ZCCHC10: variants seen among roughly 807,000 people sequenced by gnomAD.
The protein encoded by ZCCHC10 is zinc finger CCHC-type containing 10.
ZCCHC10 carries 16 observed loss-of-function variants against 19.5 expected under a neutral mutation model. The ratio of observed to expected loss-of-function variants is 0.82; its 90% CI spans 0.56 to 1.25. The LOEUF (loss-of-function observed/expected upper bound fraction) is 1.25. Among genes scored for constraint, ZCCHC10 ranks in the 50% most tolerant of loss-of-function variants. The pLI is 0.00. For missense variants in ZCCHC10, 197 were observed against 201.0 expected (o/e 0.98, Z 0.12); for synonymous variants, 67 against 72.5 (o/e 0.92, Z 0.38).
chr5:133,016,384 A>G (rs144574583), intron 2 of ZCCHC10, among the ~76,000 whole-genome samples: 2 of 152,338 alleles, frequency 1.3e-5, no homozygotes, highest in East Asian at 3.9e-4. Flanking sequence ...ACAGATTTTT[A>G]AAATTTTTCT....
chr5:133,014,977 T>A (rs1171991665), intron 2 of ZCCHC10, among the ~76,000 whole-genome samples: 2 of 152,172 alleles, frequency 1.3e-5, no homozygotes, highest in African/African-American at 4.8e-5. Flanking sequence ...TCTCATTGTA[T>A]CCTATCAGGT....
rs574883564 is a variant in ZCCHC10, at chr5:133,007,228, C to G, written c.108-308G>C. Among the ~76,000 whole-genome samples, 26 of 152,046 alleles carry G rather than the reference C, an allele frequency of 1.7e-4. 1 individual carries two copies. The highest frequency in any genetic ancestry group is 3.5e-4 in the Non-Finnish European group (24 of 68,010). On this transcript the variant is annotated intron_variant, in intron 2 of 4. Transcript: ENST00000509437. The stretch of plus-strand genomic sequence containing the variant: ...TTCTTGTGATAGTGAATAAATCTCA[C>G]AAGATCTGATGGTTTTAAAAATAGG...
chr5:133,016,994 A>C (rs1321693487), intron 2 of ZCCHC10, among the ~76,000 whole-genome samples: 10 of 151,836 alleles, frequency 6.6e-5, no homozygotes. Context: ...ACCAAATTAT[A>C]CCTACTCACA....
In ZCCHC10 at chr5:133,006,044, G is replaced by A. The variant is rs149237923; in HGVS notation, c.269+715C>T. Among the ~76,000 whole-genome samples the A allele has an allele frequency of 1.3e-3, 189 of 140,210 alleles. 1 individual carries two copies. The East Asian group carries it at 0.03, about 22-fold the overall frequency. The allele number at this position is 140,210 out of a possible 152,430, so 92.0% of individuals were successfully genotyped here. On this transcript the variant is annotated intron_variant, in intron 3 of 4. Coordinates refer to ENST00000509437, the MANE Select transcript of ZCCHC10 (RefSeq NM_001300816.3). ...CTGTTGCCCAGTCGGGAATGCAGTGGCACAATCTCAGCTCACCAAAACTTC... is the reference window on the plus strand; with the variant it reads ...CTGTTGCCCAGTCGGGAATGCAGTGACACAATCTCAGCTCACCAAAACTTC...
At chr5:133,021,419 A>G (rs1764303767) in intron 2 of ZCCHC10, among the ~76,000 whole-genome samples, 1 of 152,182 alleles carries the variant, frequency 6.6e-6, no homozygotes, top group African/African-American at 2.4e-5. Flanking sequence ...ACTACAAAAC[A>G]CTGCTAAGAG....
At chr5:133,009,189 G>C (rs953631972) in intron 2 of ZCCHC10, among the ~76,000 whole-genome samples, 1 of 151,928 alleles carries the variant, frequency 6.6e-6, no homozygotes, top group Admixed American at 6.6e-5. Flanking sequence ...TTTTTGTAGA[G>C]GTGGGGTTTT....
chr5:133,004,725 C>T (rs1258938209), intron 3 of ZCCHC10, among the ~76,000 whole-genome samples: 3 of 139,448 alleles, frequency 2.2e-5, no homozygotes, highest in African/African-American at 8.0e-5. Flanking sequence ...CTCCTGACCT[C>T]GTGATCTGCC....
intron 2 of ZCCHC10, among the ~76,000 whole-genome samples, chr5:133,010,886 G>A (rs1763456903): frequency 1.3e-5 from 2 of 151,832 alleles, no homozygotes; most frequent in Non-Finnish European, 2.9e-5. Flanking sequence ...CCACCTCCCG[G>A]ATTCAAGCGA....
chr5:133,022,514 C>T (rs760945380), intron 2 of ZCCHC10, among the ~76,000 whole-genome samples: 3 of 150,006 alleles, frequency 2.0e-5, no homozygotes, highest in Non-Finnish European at 3.0e-5. Flanking sequence ...ACTGCAGTGG[C>T]GAGATCTCGG....
intron 3 of ZCCHC10, 71 bp from the exon 4 acceptor site, chr5:133,000,244 A>G (rs1762680777): frequency 6.5e-7 from 1 of 1,535,224 alleles, no homozygotes; most frequent in African/African-American, 1.4e-5. Context: ...AAGCCCTTCT[A>G]CTATCCCCCA....
At chr5:133,006,250 ATTC>A (rs1763115457) in intron 3 of ZCCHC10, among the ~76,000 whole-genome samples, 1 of 152,024 alleles carries the variant, frequency 6.6e-6, no homozygotes, top group African/African-American at 2.4e-5. Flanking sequence ...CGCCCAGCCA[ATTC>A]TTCTTTTTAT....
rs546247734 is a variant in ZCCHC10, at chr5:132,998,185, T to A, written c.*398A>T. ...ACAACATATTAAATCTTACATAACA[T>A]ACAGCCAAAAGCATTAGAAATCCAC... On this transcript the variant is annotated 3_prime_UTR_variant, in exon 5 of 5. Transcript: ENST00000509437. 1 of 168,134 alleles carries A rather than the reference T, an allele frequency of 5.9e-6. No homozygotes were observed. The highest frequency in any genetic ancestry group is 2.4e-5 in the African/African-American group (1 of 41,642). 10.4% of individuals were successfully genotyped at this position (168,134 alleles called of 1,614,324 possible).
intron 2 of ZCCHC10, among the ~76,000 whole-genome samples, chr5:133,018,803 A>G (rs1178479237): frequency 2.0e-5 from 3 of 152,240 alleles, no homozygotes; most frequent in Non-Finnish European, 4.4e-5. Context: ...TGAAAGAAGC[A>G]GGCCCTCATA....
intron 1 of ZCCHC10, among the ~76,000 whole-genome samples, chr5:133,023,461 CT>C (rs34960372): frequency 0.31 from 41,343 of 135,416 alleles, 6,667 homozygotes; most frequent in African/African-American, 0.45. Flanking sequence ...GTCCAAAGAC[CT>C]TTTTTTTTTT....
rs1419120026 is a variant in ZCCHC10, at chr5:132,997,312, T to C, written c.*1271A>G. The C allele has an allele frequency of 6.6e-6, 1 of 152,186 alleles. No individual in the cohort carries two copies. The highest frequency in any genetic ancestry group is 2.4e-5 in the African/African-American group (1 of 41,468). The allele number at this position is 152,186 out of a possible 1,614,324, so 9.4% of individuals were successfully genotyped here. On this transcript the variant is annotated 3_prime_UTR_variant, in exon 5 of 5. Transcript: ENST00000509437. The stretch of plus-strand genomic sequence containing the variant: ...AGCCTGTTTTCTTCAAAAGTAATTT[T>C]CTACTGCTTTTTCATAAAAATATAA...
chr5:133,014,154 CTTTTTTTTTTTT>C (rs767551153), intron 2 of ZCCHC10, among the ~76,000 whole-genome samples: 1 of 113,078 alleles, frequency 8.8e-6, no homozygotes, highest in Non-Finnish European at 1.7e-5. Flanking sequence ...ACTATTTACT[CTTTTTTTTTTTT>C]TTTTTTTTTT....
At chr5:132,999,332 T>A (rs1364165715) in intron 4 of ZCCHC10, among the ~76,000 whole-genome samples, 1 of 152,214 alleles carries the variant, frequency 6.6e-6, no homozygotes, top group Non-Finnish European at 1.5e-5. Context: ...CCACAGTCCC[T>A]CTCTTTACAA....
chr5:133,014,269 C>T (rs954897050), intron 2 of ZCCHC10, among the ~76,000 whole-genome samples: 1 of 151,206 alleles, frequency 6.6e-6, no homozygotes, highest in Non-Finnish European at 1.5e-5. Context: ...AAGCAATTCT[C>T]CTGCCTCAGC....
rs374951677 is a variant in ZCCHC10 at position 133,023,701 on chromosome 5, G to A, written c.42-795C>T. On this transcript the variant is annotated intron_variant, in intron 1 of 4. Transcript: ENST00000509437. ...CAGGAGAATCACTTGAACCTGGGAGGTGGAGGTTGCGGTGAGCCAAGATCA... is the reference window on the plus strand; with the variant it reads ...CAGGAGAATCACTTGAACCTGGGAGATGGAGGTTGCGGTGAGCCAAGATCA... Among the ~76,000 whole-genome samples the A allele has an allele frequency of 7.2e-5, 11 of 151,794 alleles. No homozygotes were observed. In the East Asian group the frequency reaches 1.9e-3, roughly 27 times the overall value.
Sources: allele counts gnomAD v4.1 joint callset (sites outside exome capture counted in the v4.1 genomes callset), GRCh38; gene constraint gnomAD v4.1.1; transcripts MANE v1.5; gene names NCBI Gene and HGNC (gene_info 2026-07-23, HGNC 2026-07-21).